PCDH9: variants seen among roughly 807,000 people sequenced by gnomAD.
PCDH9 encodes protocadherin-9.
PCDH9 carries 24 observed loss-of-function variants against 70.6 expected under a neutral mutation model. The observed-to-expected ratio is 0.34, with a 90% CI of 0.25 to 0.48. The LOEUF is 0.48. Ranked by LOEUF, PCDH9 falls within the 20% of genes least tolerant of loss-of-function variation. The pLI, the probability that PCDH9 is intolerant of heterozygous loss-of-function variation, is 0.99. For missense variants in PCDH9, 1,281 were observed against 1,503.6 expected (o/e 0.85, Z 2.45); for synonymous variants, 562 against 558.5 (o/e 1.01, Z -0.09).
chr13:66,848,569 T>C (rs900094104), intron 3 of PCDH9, among the ~76,000 whole-genome samples: 5 of 152,142 alleles, frequency 3.3e-5, no homozygotes, highest in African/African-American at 1.2e-4. Context: ...ACCCAAATCT[T>C]ATCATCAGTA....
chr13:66,956,395 T>G (rs1045518583), intron 2 of PCDH9, among the ~76,000 whole-genome samples: 1 of 152,126 alleles, frequency 6.6e-6, no homozygotes, highest in African/African-American at 2.4e-5. Context: ...AAATTAAGTA[T>G]TTTTAAAAAG....
chr13:66,667,062 G>T (rs918531043), intron 3 of PCDH9, among the ~76,000 whole-genome samples: 11 of 152,090 alleles, frequency 7.2e-5, no homozygotes, highest in Non-Finnish European at 1.5e-5. Flanking sequence ...AACTTGTAGG[G>T]TCACTGTCAG....
intron 2 of PCDH9, among the ~76,000 whole-genome samples, chr13:67,184,501 G>A (rs1484895326): frequency 2.0e-5 from 3 of 152,112 alleles, no homozygotes; most frequent in Non-Finnish European, 4.4e-5. Flanking sequence ...GGCTAAGGCG[G>A]GCAGTCTCCT....
intron 4 of PCDH9, among the ~76,000 whole-genome samples, chr13:66,510,280 T>C (rs1381647401): frequency 4.6e-5 from 7 of 152,008 alleles, no homozygotes; most frequent in Admixed American, 4.6e-4. Context: ...TGCTCAAGAA[T>C]CTAATAATTT....
At chr13:66,511,133 A>G (rs528456704) in intron 4 of PCDH9, among the ~76,000 whole-genome samples, 1 of 152,300 alleles carries the variant, frequency 6.6e-6, no homozygotes, top group Admixed American at 6.5e-5. Flanking sequence ...TGATTTTTAT[A>G]TTAAAACTGT....
intron 2 of PCDH9, among the ~76,000 whole-genome samples, chr13:66,905,455 G>C (rs1029000450): frequency 6.6e-6 from 1 of 152,084 alleles, no homozygotes; most frequent in African/African-American, 2.4e-5. Context: ...CCTCACATCA[G>C]TTAAATTGAA....
rs191559362 is a variant in PCDH9, at chr13:67,041,568, A to T, written c.3037-137963T>A. Among the ~76,000 whole-genome samples, 1,015 of 152,256 alleles carry T rather than the reference A, an allele frequency of 6.7e-3. 11 individuals are homozygous for T. Among genetic ancestry groups the T allele is most frequent in the Non-Finnish European group, 0.011 (731 of 68,014 alleles). On this transcript the variant is annotated intron_variant, in intron 2 of 4. Transcript: ENST00000377865. ...TGTCTATGGCCAGGTGCAGTGGCTCACGCCTGTAATCCCAGCACTTTGGGA... is the reference window on the plus strand; with the variant it reads ...TGTCTATGGCCAGGTGCAGTGGCTCTCGCCTGTAATCCCAGCACTTTGGGA...
chr13:66,504,624 T>C (rs960041486), intron 4 of PCDH9, among the ~76,000 whole-genome samples: 8 of 152,170 alleles, frequency 5.3e-5, no homozygotes, highest in African/African-American at 1.9e-4. Flanking sequence ...ACTGAACTTG[T>C]ATGAGCATGG....
intron 3 of PCDH9, among the ~76,000 whole-genome samples, chr13:66,800,410 C>T (rs575178118): frequency 2.0e-5 from 3 of 152,200 alleles, no homozygotes; most frequent in African/African-American, 7.2e-5. Context: ...TTTTGCACTT[C>T]ATTCTATTTT....
intron 2 of PCDH9, among the ~76,000 whole-genome samples, chr13:67,127,062 T>C (rs984672366): frequency 6.6e-6 from 1 of 152,204 alleles, no homozygotes; most frequent in Non-Finnish European, 1.5e-5. Context: ...AATCATAATA[T>C]ATAAATTATG....
intron 4 of PCDH9, among the ~76,000 whole-genome samples, chr13:66,557,955 C>A (rs1347048780): frequency 6.6e-6 from 1 of 152,082 alleles, no homozygotes; most frequent in Non-Finnish European, 1.5e-5. Flanking sequence ...AGTTTGGAGA[C>A]CAGTGTGGGC....
At chr13:66,914,630 C>G (rs1158731464) in intron 2 of PCDH9, 1 of 151,816 alleles carries the variant, frequency 6.6e-6, no homozygotes, top group Non-Finnish European at 1.5e-5. Context: ...ATTGTATACT[C>G]TCCTCAAAAA....
intron 4 of PCDH9, among the ~76,000 whole-genome samples, chr13:66,629,575 T>A (rs1335860242): frequency 6.6e-6 from 1 of 152,188 alleles, no homozygotes; most frequent in East Asian, 1.9e-4. Context: ...TCTCCCAAAT[T>A]CAGTGTAATA....
intron 4 of PCDH9, among the ~76,000 whole-genome samples, chr13:66,478,766 G>A (rs1301077288): frequency 6.6e-6 from 1 of 152,202 alleles, no homozygotes; most frequent in African/African-American, 2.4e-5. Flanking sequence ...GAGATTTAAG[G>A]AAAGATGTTT....
chr13:67,076,755 G>A (rs1181484498), intron 2 of PCDH9, among the ~76,000 whole-genome samples: 1 of 152,084 alleles, frequency 6.6e-6, no homozygotes, highest in Non-Finnish European at 1.5e-5. Context: ...AAGACTACTG[G>A]AAGAAGAATG....
At chr13:67,086,568 A>G (rs1566415335) in intron 2 of PCDH9, among the ~76,000 whole-genome samples, 1 of 152,214 alleles carries the variant, frequency 6.6e-6, no homozygotes, top group East Asian at 1.9e-4. Flanking sequence ...AAACGAAGTG[A>G]TAACATCAGA....
intron 3 of PCDH9, among the ~76,000 whole-genome samples, chr13:66,869,809 GTTCAC>G (rs2081641547): frequency 6.6e-6 from 1 of 152,050 alleles, no homozygotes; most frequent in South Asian, 2.1e-4. Flanking sequence ...TTCTTACTTT[GTTCAC>G]TACTATTTCC....
chr13:67,173,353 T>C (rs2088350666), intron 2 of PCDH9, among the ~76,000 whole-genome samples: 1 of 152,294 alleles, frequency 6.6e-6, no homozygotes, highest in Admixed American at 6.5e-5. Context: ...CTGTGAGAAG[T>C]ATTAAATCAG....
At chr13:66,647,611 C>T (rs989313638) in intron 3 of PCDH9, among the ~76,000 whole-genome samples, 5 of 151,984 alleles carry the variant, frequency 3.3e-5, no homozygotes, top group East Asian at 1.9e-4. Context: ...CAGCTGTGAC[C>T]GAGAACATTC....
Sources: gnomAD v4.1 joint callset for allele counts (sites outside exome capture counted in the v4.1 genomes callset) on GRCh38, gnomAD v4.1.1 for gene constraint, MANE v1.5 for transcripts, NCBI Gene and HGNC (gene_info 2026-07-23, HGNC 2026-07-21) for gene names.